Variants in COLEC12 observed in about 807,000 individuals in gnomAD.
The protein encoded by COLEC12 is collectin-12.
A neutral mutation model predicts 71.1 loss-of-function variants in COLEC12; 33 were observed. That is an observed-to-expected ratio of 0.46 (90% CI 0.35 to 0.62). COLEC12 has a LOEUF of 0.62. COLEC12 is among the 20% of genes least tolerant of loss of function. The pLI, the probability that COLEC12 is intolerant of heterozygous loss-of-function variation, is 0.00. For missense variants in COLEC12, 765 were observed against 916.1 expected (o/e 0.84, Z 2.13); for synonymous variants, 350 against 353.0 (o/e 0.99, Z 0.10).
chr18:377,375 A>T (rs1299781953), intron 2 of COLEC12, among the ~76,000 whole-genome samples: 5 of 152,354 alleles, frequency 3.3e-5, no homozygotes, highest in African/African-American at 1.2e-4. Context: ...ACTCATAAAG[A>T]ACCCGTAGGA....
At chr18:470,258 G>A (rs1370980109) in intron 2 of COLEC12, among the ~76,000 whole-genome samples, 1 of 127,310 alleles carries the variant, frequency 7.9e-6, no homozygotes. Flanking sequence ...TTGAGACGGA[G>A]TCTCGCTCGG....
intron 2 of COLEC12, among the ~76,000 whole-genome samples, chr18:376,535 T>C (rs1915118647): frequency 1.3e-5 from 2 of 152,202 alleles, no homozygotes; most frequent in South Asian, 4.1e-4. Context: ...ATGAGTTTCC[T>C]TTCAAAAGAT....
At chr18:351,264 T>C (rs1331619130) in intron 3 of COLEC12, among the ~76,000 whole-genome samples, 1 of 152,076 alleles carries the variant, frequency 6.6e-6, no homozygotes, top group Non-Finnish European at 1.5e-5. Context: ...AGCCTTTCCA[T>C]GTGTTCTCTC....
In COLEC12 at chr18:393,458, G is replaced by A. The variant is rs72859299; in HGVS notation, c.59-35936C>T. Among the ~76,000 whole-genome samples, 840 of 151,740 alleles carry A rather than the reference G, an allele frequency of 5.5e-3. 1 individual carries two copies. Among genetic ancestry groups the A allele is most frequent in the Non-Finnish European group, 9.4e-3 (638 of 67,890 alleles). ...TTTTTCTTTGGTATCTAGGGAGCTC[G>A]GAGTCAAATCTTCTTCCCACCTCTA... On this transcript the variant is annotated intron_variant, in intron 2 of 9. Coordinates refer to ENST00000400256, the MANE Select transcript of COLEC12 (RefSeq NM_130386.3).
chr18:400,269 C>T (rs62087991), intron 2 of COLEC12, among the ~76,000 whole-genome samples: 2,253 of 152,148 alleles, frequency 0.015, 22 homozygotes, highest in Middle Eastern at 0.024. Flanking sequence ...CAATTGTGTT[C>T]AACAGTTTAT....
At position 466,148 on chromosome 18, in the gene COLEC12, G is replaced by A. The variant is rs557063461; in HGVS notation, c.58+14559C>T. On this transcript the variant is annotated intron_variant, in intron 2 of 9. Transcript: ENST00000400256. ...CCAGCTACTAGGGAGGCTGAGGCAGGAGAATCACTTGAACCCGGGAGGTGG... is the reference window on the plus strand; with the variant it reads ...CCAGCTACTAGGGAGGCTGAGGCAGAAGAATCACTTGAACCCGGGAGGTGG... Among the ~76,000 whole-genome samples the A allele has an allele frequency of 2.0e-3, 303 of 152,306 alleles. 2 individuals carry two copies. The highest frequency in any genetic ancestry group is 7.1e-3 in the African/African-American group (294 of 41,568).
chr18:368,590 C>T (rs372512890), intron 2 of COLEC12, among the ~76,000 whole-genome samples: 30 of 151,928 alleles, frequency 2.0e-4, no homozygotes, highest in African/African-American at 4.8e-4. Context: ...CAAGGCCGGG[C>T]GCGGTGGCTC....
intron 2 of COLEC12, among the ~76,000 whole-genome samples, chr18:459,929 C>G (rs190605745): frequency 6.6e-6 from 1 of 152,264 alleles, no homozygotes; most frequent in Admixed American, 6.5e-5. Context: ...ACCATCATGA[C>G]CTCTCAGGAC....
intron 9 of COLEC12, among the ~76,000 whole-genome samples, 161 bp from the exon 10 acceptor site, chr18:320,225 A>ATGAAAAGATAAGTTTCATTT (rs1353401516): frequency 3.3e-5 from 5 of 152,242 alleles, no homozygotes; most frequent in Non-Finnish European, 5.9e-5. Flanking sequence ...TCTTATTTGG[A>ATGAAAAGATAAGTTTCATTT]TGAAAAGATA....
intron 1 of COLEC12, among the ~76,000 whole-genome samples, chr18:499,739 A>G (rs1917782545): frequency 6.6e-6 from 1 of 152,262 alleles, no homozygotes; most frequent in Admixed American, 6.5e-5. Flanking sequence ...ACTAAACAGA[A>G]GGCTGCCCTG....
chr18:450,659 T>C (rs1390170087), intron 2 of COLEC12, among the ~76,000 whole-genome samples: 2 of 152,116 alleles, frequency 1.3e-5, no homozygotes, highest in African/African-American at 2.4e-5. Context: ...ATACAGAAAA[T>C]TGGTACTGAG....
At chr18:445,752 C>G (rs1229557220) in intron 2 of COLEC12, among the ~76,000 whole-genome samples, 1 of 151,790 alleles carries the variant, frequency 6.6e-6, no homozygotes, top group Non-Finnish European at 1.5e-5. Flanking sequence ...TTTGCCTCAG[C>G]TTCCTGAGTA....
At chr18:436,828 G>C (rs1427226019) in intron 2 of COLEC12, among the ~76,000 whole-genome samples, 2 of 152,032 alleles carry the variant, frequency 1.3e-5, no homozygotes, top group African/African-American at 2.4e-5. Flanking sequence ...CCAAGGTCCA[G>C]GTTTTACATT....
intron 2 of COLEC12, among the ~76,000 whole-genome samples, chr18:410,848 G>C (rs925473118): frequency 2.6e-5 from 4 of 152,058 alleles, no homozygotes; most frequent in African/African-American, 9.7e-5. Context: ...TAGCAAAATA[G>C]AAAACTTTTC....
chr18:411,138 C>T (rs1249270453), intron 2 of COLEC12, among the ~76,000 whole-genome samples: 2 of 152,176 alleles, frequency 1.3e-5, no homozygotes, highest in Non-Finnish European at 2.9e-5. Flanking sequence ...GATGATACCA[C>T]TCAGGTATCA....
intron 2 of COLEC12, among the ~76,000 whole-genome samples, chr18:412,607 T>C (rs1052782288): frequency 6.0e-5 from 9 of 150,482 alleles, no homozygotes; most frequent in African/African-American, 2.2e-4. Context: ...TTATGCTTGA[T>C]GATAAGGCAA....
At chr18:446,206 C>A (rs1027225145) in intron 2 of COLEC12, among the ~76,000 whole-genome samples, 2 of 151,914 alleles carry the variant, frequency 1.3e-5, no homozygotes, top group African/African-American at 4.8e-5. Flanking sequence ...CATTGATGTA[C>A]AAGTTTTTAT....
chr18:491,018 T>A (rs1268831048), intron 1 of COLEC12, among the ~76,000 whole-genome samples: 1 of 152,252 alleles, frequency 6.6e-6, no homozygotes, highest in African/African-American at 2.4e-5. Flanking sequence ...ATGGTATCAC[T>A]GGTTGTTAAA....
chr18:457,867 G>A (rs9303955), intron 2 of COLEC12, among the ~76,000 whole-genome samples: 84,334 of 152,090 alleles, frequency 0.55, 25,032 homozygotes, highest in East Asian at 0.8. Flanking sequence ...GCTTACGATT[G>A]AGGAGACGGC....
Sources: allele counts gnomAD v4.1 joint callset (sites outside exome capture counted in the v4.1 genomes callset), GRCh38; gene constraint gnomAD v4.1.1; transcripts MANE v1.5; gene names NCBI Gene and HGNC (gene_info 2026-07-23, HGNC 2026-07-21).